GML: variants seen among roughly 807,000 people sequenced by gnomAD.
GML encodes the protein glycosylphosphatidylinositol anchored molecule like, also known as glycosyl-phosphatidylinositol-anchored molecule-like protein.
In GML, 5 loss-of-function variants were observed where a neutral mutation model predicts 8.2. That is an observed-to-expected ratio of 0.61 (90% confidence interval 0.32 to 1.28). GML has a LOEUF of 1.28. Among genes scored for constraint, GML ranks in the 50% most tolerant of loss-of-function variants. The pLI is 0.06. For synonymous variants in GML, 72 were observed against 69.0 expected (o/e 1.04, Z -0.22); for missense variants, 191 against 198.3 (o/e 0.96, Z 0.22).
chr8:142,846,456 T>C lies in GML; in HGVS notation c.243T>C (p.Tyr81=). The change falls in exon 4 of 4, where the codon TAT becomes TAC. Residue 81 remains tyrosine (Y), a synonymous_variant. Transcript: ENST00000220940. The part of the protein sequence containing the change: ...KNCTNNCTFV[Y]AAEQPPEAPG... ...GTACAAACAACTGCACATTTGTATA[T>C]GCAGCTGAACAGCCTCCTGAAGCCC... is the stretch of plus-strand genomic sequence containing the variant. 1 of 1,612,812 alleles carries C rather than the reference T, an allele frequency of 6.2e-7. No individual in the cohort carries two copies. The highest frequency in any genetic ancestry group is 8.5e-7 in the Non-Finnish European group (1 of 1,178,764).
chr8:142,846,455 A>G lies in GML; in HGVS notation c.242A>G (p.Tyr81Cys). ...KNCTNNCTFVYAAEQPPEAPG... is the reference protein window; with the variant it reads ...KNCTNNCTFVCAAEQPPEAPG... ...TGTACAAACAACTGCACATTTGTAT[A>G]TGCAGCTGAACAGCCTCCTGAAGCC... is the stretch of plus-strand genomic sequence containing the variant. Residue 81 changes from tyrosine to cysteine, a missense_variant, in exon 4 of 4, where the codon TAT becomes TGT. Tyr to Cys is a radical substitution (Grantham distance 194). Coordinates refer to ENST00000220940, the MANE Select transcript of GML (RefSeq NM_002066.3). The G allele has an allele frequency of 1.9e-6, 3 of 1,609,978 alleles. No homozygotes were observed. The highest frequency in any genetic ancestry group is 2.6e-6 in the Non-Finnish European group (3 of 1,176,158).
intron 3 of GML, among the ~76,000 whole-genome samples, chr8:142,842,341 C>T (rs1816445339): frequency 6.6e-6 from 1 of 152,212 alleles, no homozygotes; most frequent in African/African-American, 2.4e-5. Context: ...GAGACTCATA[C>T]ACACCTCTTC....
At chr8:142,838,927 C>A (rs4736339) in intron 1 of GML, among the ~76,000 whole-genome samples, 1 of 152,192 alleles carries the variant, frequency 6.6e-6, no homozygotes, top group East Asian at 1.9e-4. Context: ...CCCATCCACC[C>A]CAAGATCCAG....
intron 1 of GML, among the ~76,000 whole-genome samples, 151 bp from the exon 2 acceptor site, chr8:142,840,265 A>G (rs981460549): frequency 3.3e-5 from 5 of 152,204 alleles, no homozygotes; most frequent in African/African-American, 1.2e-4. Context: ...GCCCGACCCC[A>G]GTGCCTTACC....
intron 1 of GML, among the ~76,000 whole-genome samples, chr8:142,835,361 C>T (rs777713999): frequency 1.3e-5 from 2 of 152,144 alleles, no homozygotes; most frequent in South Asian, 2.1e-4. Flanking sequence ...CCCCTTCCCT[C>T]GGGGTGTCCC....
chr8:142,841,046 T>G (rs1586544348), intron 2 of GML, 72 bp from the exon 3 acceptor site: 1 of 793,932 alleles, frequency 1.3e-6, no homozygotes, highest in Non-Finnish European at 2.3e-6. Context: ...TGAAGAAGGG[T>G]GGAGTGAGCT....
intron 3 of GML, among the ~76,000 whole-genome samples, chr8:142,842,369 T>A (rs1438116546): frequency 6.6e-6 from 1 of 152,162 alleles, no homozygotes; most frequent in East Asian, 1.9e-4. Flanking sequence ...CAACTGCTGA[T>A]TTGGGACATG....
intron 3 of GML, among the ~76,000 whole-genome samples, chr8:142,844,404 A>T (rs1026764186): frequency 6.6e-6 from 1 of 152,254 alleles, no homozygotes; most frequent in Non-Finnish European, 1.5e-5. Flanking sequence ...TTAAGAATTT[A>T]AAAAATCGAA....
At chr8:142,843,106 T>C (rs1223417262) in intron 3 of GML, among the ~76,000 whole-genome samples, 1 of 152,212 alleles carries the variant, frequency 6.6e-6, no homozygotes, top group Admixed American at 6.5e-5. Flanking sequence ...TTTCTGGGGC[T>C]GTGCAGGATG....
intron 1 of GML, among the ~76,000 whole-genome samples, chr8:142,836,860 A>G (rs56268033): frequency 2.0e-5 from 3 of 152,168 alleles, no homozygotes; most frequent in Non-Finnish European, 2.9e-5. Flanking sequence ...CCCTTCTCCT[A>G]CAGAGTGTGG....
chr8:142,843,942 A>G (rs546863400), intron 3 of GML, among the ~76,000 whole-genome samples: 23 of 152,338 alleles, frequency 1.5e-4, no homozygotes, highest in African/African-American at 4.8e-4. Flanking sequence ...ATTTCAGTCA[A>G]AGTCTCAGCA....
intron 3 of GML, among the ~76,000 whole-genome samples, chr8:142,841,510 G>A (rs1175564809): frequency 1.3e-5 from 2 of 152,192 alleles, no homozygotes; most frequent in African/African-American, 2.4e-5. Context: ...AGCCTCTACT[G>A]TCCCTGGTTG....
At chr8:142,841,565 A>G (rs937842892) in intron 3 of GML, among the ~76,000 whole-genome samples, 2 of 152,154 alleles carry the variant, frequency 1.3e-5, no homozygotes, top group Admixed American at 6.5e-5. Context: ...CTCACTGGCC[A>G]TTCAATTTCT....
At chr8:142,843,055 C>T (rs971216982) in intron 3 of GML, among the ~76,000 whole-genome samples, 6 of 152,084 alleles carry the variant, frequency 3.9e-5, no homozygotes, top group Admixed American at 3.9e-4. Context: ...ATTGGGAATG[C>T]TGGAATGCTG....
intron 3 of GML, 90 bp from the exon 4 acceptor site, chr8:142,846,305 A>G (rs1816502749): frequency 1.3e-6 from 1 of 782,082 alleles, no homozygotes; most frequent in South Asian, 1.7e-5. Flanking sequence ...ACATGGAGCT[A>G]ATTATGGTTG....
At chr8:142,841,092 C>T (rs1563858910) in intron 2 of GML, 26 bp from the exon 3 acceptor site, 1 of 1,102,158 alleles carries the variant, frequency 9.1e-7, no homozygotes, top group Non-Finnish European at 1.4e-6. Flanking sequence ...GAGCAGAAGC[C>T]TGAAGCCTGC....
chr8:142,844,747 A>G (rs1012615931), intron 3 of GML, among the ~76,000 whole-genome samples: 1 of 152,238 alleles, frequency 6.6e-6, no homozygotes, highest in African/African-American at 2.4e-5. Flanking sequence ...CCACAACACA[A>G]TAACACCACA....
In GML at chr8:142,841,191, GTATCA is replaced by G; in HGVS notation, c.151_155del (p.His51Ter). 6.4e-7 allele frequency: 1 copy of G among 1,561,474 alleles called. No homozygotes were observed. Among genetic ancestry groups the G allele is most frequent in the South Asian group, 1.1e-5 (1 of 89,908 alleles). ...ACTGTCCCAACATTAGAGTATGTCC[GTATCA>G]TATTAGGCGCTGTATGACAATCTCC... On this transcript the variant is annotated frameshift_variant, in exon 3 of 4. Coordinates refer to ENST00000220940, the MANE Select transcript of GML (RefSeq NM_002066.3). LOFTEE classifies it low-confidence loss of function (END_TRUNC).
chr8:142,836,521 T>A, intron 1 of GML, among the ~76,000 whole-genome samples: 1 of 152,276 alleles, frequency 6.6e-6, no homozygotes, highest in East Asian at 1.9e-4. Flanking sequence ...TATGCTAATG[T>A]CAACATTTGA....
Sources: gnomAD v4.1 joint callset for allele counts (sites outside exome capture counted in the v4.1 genomes callset) on GRCh38, gnomAD v4.1.1 for gene constraint, MANE v1.5 for transcripts, NCBI Gene and HGNC (gene_info 2026-07-23, HGNC 2026-07-21) for gene names.